The following OCIAD1 variants were observed in gnomAD, a reference collection of about 807,000 sequenced individuals.
The protein encoded by OCIAD1 is OCIA domain-containing protein 1.
In OCIAD1, 29 loss-of-function variants were observed where a neutral mutation model predicts 38.9. That is an observed-to-expected ratio of 0.74 (90% confidence interval 0.55 to 1.02). OCIAD1 has a LOEUF of 1.02. Ranked by LOEUF, OCIAD1 falls within the 50% of genes least tolerant of loss-of-function variation. The pLI is 0.00. For synonymous variants in OCIAD1, 110 were observed against 92.0 expected (o/e 1.20, Z -1.12); for missense variants, 288 against 289.6 (o/e 0.99, Z 0.04).
chr4:48,849,944 A>C lies in OCIAD1; in HGVS notation c.242-3A>C. On this transcript the variant is annotated splice_region_variant and splice_polypyrimidine_tract_variant and intron_variant, in intron 5 of 8. Transcript: ENST00000264312. ...ACACTTTTTGTTTGATTTTACAAATAAGTTGCTTGTATCATGGGATACTTT... is the reference window on the plus strand; with the variant it reads ...ACACTTTTTGTTTGATTTTACAAATCAGTTGCTTGTATCATGGGATACTTT... 6.3e-7 allele frequency: 1 copy of C among 1,594,972 alleles called. No individual in the cohort carries two copies. The highest frequency in any genetic ancestry group is 8.5e-7 in the Non-Finnish European group (1 of 1,174,308).
rs559142099 is a variant in OCIAD1, at chr4:48,839,271, A to G, written c.140-3365A>G. Among the ~76,000 whole-genome samples, 9 of 152,228 alleles carry G rather than the reference A, an allele frequency of 5.9e-5. No homozygotes were observed. The South Asian group carries it at 1.9e-3, about 32-fold the overall frequency. On this transcript the variant is annotated intron_variant, in intron 3 of 8. Transcript: ENST00000264312. ...GCTAACATGGTGAAACCCTGTCTCTACTAAAAATACAAAAATTAGCCAGGT... is the reference window on the plus strand; with the variant it reads ...GCTAACATGGTGAAACCCTGTCTCTGCTAAAAATACAAAAATTAGCCAGGT...
rs75764524 is a variant in OCIAD1 at position 48,840,341 on chromosome 4, C to G, written c.140-2295C>G. Among the ~76,000 whole-genome samples, 135 of 152,284 alleles carry G rather than the reference C, an allele frequency of 8.9e-4. 3 individuals are homozygous for G. The East Asian group carries it at 0.018, about 21-fold the overall frequency. ...TGGAGAAAAATGATTGCAAATTGTA[C>G]TGGTGCTGTAATTAAAAGGGATTTG... On this transcript the variant is annotated intron_variant, in intron 3 of 8. Coordinates refer to ENST00000264312, the MANE Select transcript of OCIAD1 (RefSeq NM_017830.4).
intron 6 of OCIAD1, among the ~76,000 whole-genome samples, chr4:48,851,456 G>A (rs1779455045): frequency 6.6e-6 from 1 of 152,158 alleles, no homozygotes; most frequent in Non-Finnish European, 1.5e-5. Context: ...GGGAAGCTGA[G>A]GCAGGAGGGT....
At chr4:48,854,009 G>C (rs1779771288) in intron 7 of OCIAD1, among the ~76,000 whole-genome samples, 1 of 151,928 alleles carries the variant, frequency 6.6e-6, no homozygotes, top group Non-Finnish European at 1.5e-5. Context: ...AGGAAGGAAG[G>C]GAATGGGCAG....
chr4:48,844,819 A>G (rs1778838261), intron 4 of OCIAD1, among the ~76,000 whole-genome samples: 1 of 152,198 alleles, frequency 6.6e-6, no homozygotes. Flanking sequence ...GTTTACGTGC[A>G]TATCTGCCTG....
rs1777616156 is a variant in OCIAD1, at chr4:48,832,658, G to A, written c.34G>A (p.Ala12Thr). The A allele has an allele frequency of 1.2e-6, 2 of 1,613,112 alleles. No homozygotes were observed. Among genetic ancestry groups the A allele is most frequent in the African/African-American group, 1.3e-5 (1 of 74,882 alleles). ...NGRADFREPN[A>T]EVPRPIPHIG... ...GAGGGCTGATTTTCGAGAGCCGAAT[G>A]CAGAGGTTCCAAGACCAATTCCCCG... The change falls in exon 2 of 9, where the codon GCA becomes ACA. Residue 12 changes from alanine (A) to threonine (T), a missense_variant. Transcript: ENST00000264312.
At chr4:48,833,285 T>G (rs1777689988) in intron 2 of OCIAD1, 116 bp from the exon 3 acceptor site, 1 of 652,674 alleles carries the variant, frequency 1.5e-6, no homozygotes, top group Non-Finnish European at 2.7e-6. Context: ...GCCAGTTGTT[T>G]TATTATTTGA....
chr4:48,810,399 G>A lies in OCIAD1; in HGVS notation c.-103+5069G>A, dbSNP rs372117714. ...CAGGAGAATGGCGTGAACCCGGGAG[G>A]TGGAGCTTGCAGTGAGCCAAGATCG... On this transcript the variant is annotated intron_variant, in intron 1 of 6. Transcript: ENST00000504654. 9.3e-5 allele frequency among the ~76,000 whole-genome samples: 14 copies of A among 150,666 alleles called. No homozygotes were observed. In the East Asian group the frequency reaches 2.4e-3, roughly 25 times the overall value.
intron 4 of OCIAD1, among the ~76,000 whole-genome samples, chr4:48,845,127 C>T (rs1196835817): frequency 6.6e-6 from 1 of 152,100 alleles, no homozygotes; most frequent in Non-Finnish European, 1.5e-5. Context: ...ATGCTCAGGT[C>T]TCCTCTAACT....
chr4:48,861,365 TA>T lies in OCIAD1; in HGVS notation c.*604del, dbSNP rs1477974128. The T allele has an allele frequency of 6.6e-6, 1 of 152,164 alleles. No individual in the cohort carries two copies. The highest frequency in any genetic ancestry group is 1.9e-4 in the East Asian group (1 of 5,176). 9.4% of individuals were successfully genotyped at this position (152,164 alleles called of 1,614,324 possible). ...AAAGTCATCTATAATATTTCTATAA[TA>T]TGGCTATAATATGGCTATAAATCTA... On this transcript the variant is annotated 3_prime_UTR_variant, in exon 9 of 9. Transcript: ENST00000264312.
chr4:48,810,886 CTTTCTTTCTTTTTTTTTT>C (rs1290434938), intron 1 of OCIAD1, among the ~76,000 whole-genome samples: 1 of 44,302 alleles, frequency 2.3e-5, no homozygotes, highest in Non-Finnish European at 5.2e-5. Context: ...TTTTTTCTTT[CTTTCTTTCTTTTTTTTTT>C]TTTTTTTTTG....
upstream of OCIAD1, among the ~76,000 whole-genome samples, chr4:48,829,487 C>A (rs1444468389): frequency 6.6e-6 from 1 of 152,094 alleles, no homozygotes; most frequent in Non-Finnish European, 1.5e-5. Context: ...CTGTCATAGA[C>A]CTTTTTAGTG....
At chr4:48,824,709 A>G (rs1311399829) in intron 1 of OCIAD1, among the ~76,000 whole-genome samples, 1 of 152,146 alleles carries the variant, frequency 6.6e-6, no homozygotes, top group Non-Finnish European at 1.5e-5. Context: ...AATATAATGA[A>G]TGACAATTCA....
At chr4:48,828,387 G>A (rs949998739), upstream of OCIAD1, among the ~76,000 whole-genome samples, 6 of 152,208 alleles carry the variant, frequency 3.9e-5, no homozygotes, top group African/African-American at 1.2e-4. Flanking sequence ...TCAGCAGGAT[G>A]TGTGTGGGGC....
intron 7 of OCIAD1, chr4:48,856,295 C>T (rs1780038916): frequency 6.6e-6 from 1 of 152,160 alleles, no homozygotes; most frequent in South Asian, 2.1e-4. Context: ...ATACTTTCTT[C>T]TGCATCAACA....
chr4:48,805,587 CAG>C (rs915019800), intron 1 of OCIAD1, among the ~76,000 whole-genome samples: 2 of 151,854 alleles, frequency 1.3e-5, no homozygotes, highest in African/African-American at 4.8e-5. Context: ...CCCAGCTACT[CAG>C]GGGAGGATCA....
chr4:48,850,437 A>AT (rs1253972321), intron 6 of OCIAD1, among the ~76,000 whole-genome samples: 7 of 151,886 alleles, frequency 4.6e-5, no homozygotes, highest in African/African-American at 1.5e-4. Context: ...TTAAAAAAAA[A>AT]TTTTTTTTAT....
At chr4:48,834,883 G>GA (rs1307794554) in intron 3 of OCIAD1, among the ~76,000 whole-genome samples, 1 of 152,196 alleles carries the variant, frequency 6.6e-6, no homozygotes, top group Non-Finnish European at 1.5e-5. Flanking sequence ...CTGTTGGGAA[G>GA]ATAAGTTTTA....
chr4:48,823,529 T>G (rs1777215445), intron 1 of OCIAD1, among the ~76,000 whole-genome samples: 1 of 151,634 alleles, frequency 6.6e-6, no homozygotes, highest in South Asian at 2.1e-4. Flanking sequence ...ACCTGCAGGT[T>G]CTCCACATGT....
Sources: allele counts gnomAD v4.1 joint callset (sites outside exome capture counted in the v4.1 genomes callset), GRCh38; gene constraint gnomAD v4.1.1; transcripts MANE v1.5; gene names NCBI Gene and HGNC (gene_info 2026-07-23, HGNC 2026-07-21).